WWOX: variants seen among roughly 807,000 people sequenced by gnomAD.
WWOX encodes WW domain-containing oxidoreductase.
WWOX carries 69 observed loss-of-function variants against 46.2 expected under a neutral mutation model. The observed-to-expected ratio is 1.49, with a 90% CI of 1.23 to 1.82. WWOX has a LOEUF of 1.82. Among genes scored for constraint, WWOX ranks in the 40% most tolerant of loss-of-function variants. The pLI is 0.00. For synonymous variants in WWOX, 359 were observed against 202.6 expected (o/e 1.77, Z -6.56); for missense variants, 919 against 542.6 (o/e 1.69, Z -6.89).
chr16:78,501,926 C>T (rs536317018), intron 8 of WWOX, among the ~76,000 whole-genome samples: 25 of 152,226 alleles, frequency 1.6e-4, no homozygotes, highest in African/African-American at 6.0e-4. Context: ...ACTGTGGTCC[C>T]ACCTGCCCAT....
chr16:78,288,350 G>C (rs2079805285), intron 5 of WWOX, among the ~76,000 whole-genome samples: 1 of 150,792 alleles, frequency 6.6e-6, no homozygotes, highest in African/African-American at 2.4e-5. Flanking sequence ...CAGAGGTTCT[G>C]ATGAGGGCCA....
intron 5 of WWOX, among the ~76,000 whole-genome samples, chr16:78,380,782 A>C (rs1434518972): frequency 6.6e-6 from 1 of 152,174 alleles, no homozygotes; most frequent in Non-Finnish European, 1.5e-5. Context: ...AAGAAGCAGT[A>C]ACTTGCCCAG....
chr16:78,585,794 C>T (rs765900372), intron 8 of WWOX, among the ~76,000 whole-genome samples: 7 of 151,812 alleles, frequency 4.6e-5, no homozygotes, highest in South Asian at 2.1e-4. Context: ...GGCAGATTCC[C>T]GTATCATGGT....
intron 8 of WWOX, among the ~76,000 whole-genome samples, chr16:78,565,646 A>C (rs980144403): frequency 6.6e-6 from 1 of 152,150 alleles, no homozygotes; most frequent in African/African-American, 2.4e-5. Context: ...TGACAGAGTC[A>C]CAAATTTGGG....
intron 8 of WWOX, among the ~76,000 whole-genome samples, chr16:79,137,682 C>G (rs1009172720): frequency 1.3e-5 from 2 of 152,126 alleles, no homozygotes; most frequent in African/African-American, 4.8e-5. Flanking sequence ...TTTCTCCTCC[C>G]TCCTCCGTCT....
rs186827454 is a variant in WWOX at position 78,215,694 on chromosome 16, G to A, written c.516+51405G>A. 4.5e-3 allele frequency among the ~76,000 whole-genome samples: 687 copies of A among 152,224 alleles called. 5 individuals carry two copies. The highest frequency in any genetic ancestry group is 0.016 in the African/African-American group (665 of 41,548). On this transcript the variant is annotated intron_variant, in intron 5 of 8. Coordinates refer to ENST00000566780, the MANE Select transcript of WWOX (RefSeq NM_016373.4). ...TGTAATCCCAGCACTTTAGGAGGCC[G>A]AGGCAGATGGATCACTTGAGGTCAA...
rs139516564 is a variant in WWOX, at chr16:78,784,669, G to A, written c.1056+351917G>A. ...TTGGCATTTGCTAGGCTCACAGTCA[G>A]TGTCAGTGGTTCCCAATGTTACTGT... On this transcript the variant is annotated intron_variant, in intron 8 of 8. Transcript: ENST00000566780. 3.7e-3 allele frequency among the ~76,000 whole-genome samples: 560 copies of A among 152,318 alleles called. 6 individuals carry two copies. Among genetic ancestry groups the A allele is most frequent in the African/African-American group, 0.013 (545 of 41,578 alleles).
intron 8 of WWOX, among the ~76,000 whole-genome samples, chr16:78,670,696 G>C (rs549070385): frequency 6.6e-6 from 1 of 152,066 alleles, no homozygotes; most frequent in African/African-American, 2.4e-5. Context: ...TTAAAAAACA[G>C]AGATAGAGTC....
rs926586750 is a variant in WWOX at position 78,343,544 on chromosome 16, C to T, written c.517-43316C>T. ...TCTTAAAGCTTCTGGGCACAGCCCC[C>T]CTTGAGTCTTCATTATGGCAAATCT... On this transcript the variant is annotated intron_variant, in intron 5 of 8. Coordinates refer to ENST00000566780, the MANE Select transcript of WWOX (RefSeq NM_016373.4). Among the ~76,000 whole-genome samples the T allele has an allele frequency of 4.1e-5, 5 of 120,754 alleles. 1 individual carries two copies. The highest frequency in any genetic ancestry group is 1.4e-4 in the African/African-American group (5 of 35,662). 79.2% of individuals were successfully genotyped at this position (120,754 alleles called of 152,430 possible).
intron 8 of WWOX, among the ~76,000 whole-genome samples, chr16:79,064,093 G>T (rs930141654): frequency 1.3e-5 from 2 of 152,230 alleles, no homozygotes; most frequent in Non-Finnish European, 2.9e-5. Context: ...AACATGTCTA[G>T]TGTTTATGTA....
intron 8 of WWOX, among the ~76,000 whole-genome samples, chr16:78,540,928 C>T (rs2043876915): frequency 6.6e-6 from 1 of 152,100 alleles, no homozygotes; most frequent in Admixed American, 6.6e-5. Context: ...TCAAGTGATC[C>T]TCCTGCCTTG....
At chr16:78,710,916 C>T (rs1473044066) in intron 8 of WWOX, among the ~76,000 whole-genome samples, 1 of 152,092 alleles carries the variant, frequency 6.6e-6, no homozygotes, top group Non-Finnish European at 1.5e-5. Context: ...CATGCCAAAG[C>T]CTAAGGGACC....
chr16:79,104,039 G>T (rs1227860829), intron 8 of WWOX, among the ~76,000 whole-genome samples: 6 of 46,072 alleles, frequency 1.3e-4, no homozygotes, highest in African/African-American at 4.6e-4. Flanking sequence ...CCCTTTTTTG[G>T]GGGGGGGGGG....
intron 8 of WWOX, among the ~76,000 whole-genome samples, chr16:78,448,858 C>T (rs1038309150): frequency 1.3e-5 from 2 of 152,036 alleles, no homozygotes; most frequent in Non-Finnish European, 2.9e-5. Flanking sequence ...TGTCTTGGCG[C>T]TGGTGAGGGG....
chr16:78,872,215 C>G (rs1013846149), intron 8 of WWOX, among the ~76,000 whole-genome samples: 1 of 152,192 alleles, frequency 6.6e-6, no homozygotes, highest in Admixed American at 6.5e-5. Flanking sequence ...GGATTCAAAT[C>G]CCAGCTCTGC....
chr16:78,884,803 A>G (rs984337574), intron 8 of WWOX, among the ~76,000 whole-genome samples: 4 of 152,190 alleles, frequency 2.6e-5, no homozygotes, highest in East Asian at 3.8e-4. Context: ...TTTTGCATGT[A>G]TATTTTACTC....
chr16:79,039,749 A>C (rs959127207), intron 8 of WWOX, among the ~76,000 whole-genome samples: 2 of 152,194 alleles, frequency 1.3e-5, no homozygotes, highest in Admixed American at 6.5e-5. Flanking sequence ...TCTTAGTTTC[A>C]GTGGCTCTGA....
At chr16:78,419,107 G>C (rs568984363) in intron 6 of WWOX, among the ~76,000 whole-genome samples, 17 of 152,154 alleles carry the variant, frequency 1.1e-4, no homozygotes, top group Non-Finnish European at 2.9e-5. Context: ...ATAAAAGTAG[G>C]ATAAAAGTTT....
At chr16:78,989,821 C>CGTGTGTTTTT (rs34409137) in intron 8 of WWOX, among the ~76,000 whole-genome samples, 1 of 136,402 alleles carries the variant, frequency 7.3e-6, no homozygotes, top group Non-Finnish European at 1.6e-5. Context: ...GGTGTGTGAG[C>CGTGTGTTTTT]GTGTGTGTGT....
Sources: gnomAD v4.1 joint callset for allele counts (sites outside exome capture counted in the v4.1 genomes callset) on GRCh38, gnomAD v4.1.1 for gene constraint, MANE v1.5 for transcripts, NCBI Gene and HGNC (gene_info 2026-07-23, HGNC 2026-07-21) for gene names.